RBFOX1: variants seen among roughly 807,000 people sequenced by gnomAD.
RBFOX1 encodes RNA binding fox-1 homolog 1, also known as RNA binding protein fox-1 homolog 1.
A neutral mutation model predicts 57.7 loss-of-function variants in RBFOX1; 8 were observed. That is an observed-to-expected ratio of 0.14 (90% CI 0.08 to 0.25). The LOEUF is 0.25. Among genes scored for constraint, RBFOX1 ranks in the 10% least tolerant of loss-of-function variants. RBFOX1 has a pLI of 1.00. For missense variants in RBFOX1, 611 were observed against 548.5 expected, an observed-to-expected ratio of 1.11 and a Z score of -1.14; for synonymous variants, 326 against 222.4, an observed-to-expected ratio of 1.47 and a Z score of -4.15.
At chr16:6,840,417 T>C (rs1409487843) in intron 3 of RBFOX1, among the ~76,000 whole-genome samples, 1 of 152,168 alleles carries the variant, frequency 6.6e-6, no homozygotes, top group Non-Finnish European at 1.5e-5. Flanking sequence ...TTGAGTATGA[T>C]CACAGTCTTC....
At chr16:6,287,457 A>G (rs1256025347) in intron 1 of RBFOX1, among the ~76,000 whole-genome samples, 3 of 152,170 alleles carry the variant, frequency 2.0e-5, no homozygotes, top group Admixed American at 2.0e-4. Flanking sequence ...AGGACATGTC[A>G]TGTGTCAAAG....
intron 4 of RBFOX1, among the ~76,000 whole-genome samples, chr16:5,908,895 C>T (rs1421669636): frequency 6.6e-6 from 1 of 151,898 alleles, no homozygotes. Context: ...ACAGAGAGCT[C>T]CTCTCTGTGT....
In RBFOX1 at chr16:7,654,023, C is replaced by T. The variant is rs777011163; in HGVS notation, c.890+76C>T. 1,025 of 1,413,956 alleles carry T rather than the reference C, an allele frequency of 7.2e-4. 6 individuals are homozygous for T. The Middle Eastern group carries it at 0.012, about 17-fold the overall frequency. 87.6% of individuals were successfully genotyped at this position (1,413,956 alleles called of 1,614,324 possible). Reference sequence around the variant, plus strand: ...CCAGAGGCACGGAGCTGTTTGCGAGCGCATGATGGTCTTGACTCCCCCTCC... The same window carrying T: ...CCAGAGGCACGGAGCTGTTTGCGAGTGCATGATGGTCTTGACTCCCCCTCC... On this transcript the variant is annotated intron_variant, in intron 12 of 15. Transcript: ENST00000550418.
intron 1 of RBFOX1, among the ~76,000 whole-genome samples, chr16:6,263,324 C>T (rs1005002148): frequency 1.3e-5 from 2 of 152,060 alleles, no homozygotes; most frequent in African/African-American, 2.4e-5. Context: ...AGAATTCATG[C>T]TCAAACTGTG....
chr16:5,612,424 C>G (rs2047857127), intron 3 of RBFOX1, among the ~76,000 whole-genome samples: 1 of 151,872 alleles, frequency 6.6e-6, no homozygotes. Flanking sequence ...CCAAGACACA[C>G]TAGGACCCCC....
At chr16:5,653,654 G>A (rs765261029) in intron 3 of RBFOX1, among the ~76,000 whole-genome samples, 9 of 152,172 alleles carry the variant, frequency 5.9e-5, no homozygotes, top group Middle Eastern at 3.2e-3. Context: ...TGCAGCTGCC[G>A]CTCTCTTTGA....
intron 10 of RBFOX1, among the ~76,000 whole-genome samples, chr16:7,623,575 G>A (rs1344988987): frequency 1.3e-5 from 2 of 152,268 alleles, no homozygotes; most frequent in African/African-American, 4.8e-5. Context: ...GTAACATGAA[G>A]TAACATGAAC....
chr16:6,608,250 T>A (rs1671439181), intron 2 of RBFOX1, among the ~76,000 whole-genome samples: 1 of 152,204 alleles, frequency 6.6e-6, no homozygotes, highest in Admixed American at 6.5e-5. Flanking sequence ...TTATAATCAT[T>A]AATAGATACC....
At chr16:5,296,246 C>T (rs1039933342) in intron 1 of RBFOX1, among the ~76,000 whole-genome samples, 1 of 152,292 alleles carries the variant, frequency 6.6e-6, no homozygotes, top group African/African-American at 2.4e-5. Flanking sequence ...GCAGCATCTG[C>T]ATCTGTGTAG....
intron 2 of RBFOX1, among the ~76,000 whole-genome samples, chr16:5,573,377 C>G (rs765062379): frequency 6.6e-6 from 1 of 152,196 alleles, no homozygotes; most frequent in African/African-American, 2.4e-5. Context: ...TCTTCCCCTG[C>G]CTATGTCATG....
At chr16:7,017,331 C>T (rs1312397512) in intron 3 of RBFOX1, among the ~76,000 whole-genome samples, 1 of 152,172 alleles carries the variant, frequency 6.6e-6, no homozygotes, top group East Asian at 1.9e-4. Flanking sequence ...CAGCACCTTT[C>T]TATCTTGGCG....
chr16:7,253,644 C>G (rs976440054), intron 4 of RBFOX1, among the ~76,000 whole-genome samples: 1 of 152,186 alleles, frequency 6.6e-6, no homozygotes, highest in Non-Finnish European at 1.5e-5. Flanking sequence ...ACATGACCAT[C>G]TTGCCTATGC....
chr16:6,875,188 A>G (rs1230128839), intron 3 of RBFOX1, among the ~76,000 whole-genome samples: 1 of 152,200 alleles, frequency 6.6e-6, no homozygotes, highest in Non-Finnish European at 1.5e-5. Flanking sequence ...TCTTCTTTGT[A>G]TTATTATAGT....
intron 10 of RBFOX1, among the ~76,000 whole-genome samples, chr16:7,620,516 A>G (rs1279633770): frequency 6.6e-6 from 1 of 152,198 alleles, no homozygotes; most frequent in Non-Finnish European, 1.5e-5. Flanking sequence ...TCTGTAGAAG[A>G]TACATTCTGC....
intron 3 of RBFOX1, among the ~76,000 whole-genome samples, chr16:6,726,933 A>G (rs76464352): frequency 0.027 from 4,062 of 152,074 alleles, 171 homozygotes; most frequent in African/African-American, 0.089. Context: ...TCAGGACACA[A>G]TTAACACTTT....
intron 3 of RBFOX1, among the ~76,000 whole-genome samples, chr16:7,026,139 G>T (rs1472680288): frequency 2.6e-5 from 4 of 152,112 alleles, no homozygotes; most frequent in Non-Finnish European, 2.9e-5. Flanking sequence ...CAGCCAGAAG[G>T]CCTCCCTCTG....
chr16:5,770,974 G>A (rs765387787), intron 3 of RBFOX1, among the ~76,000 whole-genome samples: 1 of 152,134 alleles, frequency 6.6e-6, no homozygotes, highest in African/African-American at 2.4e-5. Context: ...CTCTGGCCAC[G>A]ACCCTTTTTG....
At chr16:5,529,088 A>G (rs956715009) in intron 2 of RBFOX1, among the ~76,000 whole-genome samples, 1 of 151,990 alleles carries the variant, frequency 6.6e-6, no homozygotes, top group Non-Finnish European at 1.5e-5. Flanking sequence ...TGTCCATAAG[A>G]TCTTCCTCCT....
At chr16:6,190,445 C>G (rs2097134408) in intron 1 of RBFOX1, among the ~76,000 whole-genome samples, 1 of 152,146 alleles carries the variant, frequency 6.6e-6, no homozygotes, top group Non-Finnish European at 1.5e-5. Flanking sequence ...ACTAGGCAAC[C>G]TGGAATGGAA....
Sources: gnomAD v4.1 joint callset for allele counts (sites outside exome capture counted in the v4.1 genomes callset) on GRCh38, gnomAD v4.1.1 for gene constraint, MANE v1.5 for transcripts, NCBI Gene and HGNC (gene_info 2026-07-23, HGNC 2026-07-21) for gene names.